PHKB: variants seen among roughly 807,000 people sequenced by gnomAD.
PHKB encodes phosphorylase kinase regulatory subunit beta.
In PHKB, 122 loss-of-function variants were observed where a neutral mutation model predicts 152.1. That is an observed-to-expected ratio of 0.80 (90% confidence interval 0.69 to 0.93). The LOEUF is 0.93. PHKB is among the 40% of genes least tolerant of loss of function. The probability of loss-of-function intolerance (pLI) is 0.00; values close to 1 mark genes in which losing one functional copy is unlikely to be tolerated. For synonymous variants in PHKB, 436 were observed against 464.9 expected (o/e 0.94, Z 0.80); for missense variants, 1,304 against 1,328.4 (o/e 0.98, Z 0.29).
At chr16:47,604,409 G>T (rs1254810611) in intron 13 of PHKB, among the ~76,000 whole-genome samples, 3 of 151,994 alleles carry the variant, frequency 2.0e-5, no homozygotes, top group African/African-American at 7.3e-5. Flanking sequence ...TTGTTAATCA[G>T]TTGACTAAAA....
At chr16:47,656,046 T>A (rs1292686692) in intron 20 of PHKB, among the ~76,000 whole-genome samples, 1 of 151,872 alleles carries the variant, frequency 6.6e-6, no homozygotes. Context: ...AGACTGAGTC[T>A]CACTCTGTTG....
rs527426323 is a variant in PHKB at position 47,665,956 on chromosome 16, G to A, written c.2427+981G>A. 2.7e-5 allele frequency: 43 copies of A among 1,613,640 alleles called. No individual in the cohort carries two copies. The highest frequency in any genetic ancestry group is 1.6e-4 in the Middle Eastern group (1 of 6,062). The stretch of plus-strand genomic sequence containing the variant: ...TTTGCCCCCAGGTCGGTTGTACGCC[G>A]TGCAGCAAGTCTTTTAAGTAAAGTA... On this transcript the variant is annotated intron_variant, in intron 25 of 30. Coordinates refer to ENST00000323584, the MANE Select transcript of PHKB (RefSeq NM_000293.3).
At chr16:47,663,654 A>C in intron 23 of PHKB, 23 bp from the exon 24 acceptor site, 1 of 1,601,384 alleles carries the variant, frequency 6.2e-7, no homozygotes, top group South Asian at 1.1e-5. Flanking sequence ...TGTTCAACAA[A>C]GACTCTATTA....
chr16:47,648,449 CA>C lies in PHKB; in HGVS notation c.1609-79del, dbSNP rs1973173864. 4 of 990,680 alleles carry C rather than the reference CA, an allele frequency of 4.0e-6. No individual in the cohort carries two copies. The East Asian group carries it at 9.8e-5, about 24-fold the overall frequency. 61.4% of individuals were successfully genotyped at this position (990,680 alleles called of 1,614,324 possible). ...CTAGCTTCTTTCTCTCTGGAAAGAT[CA>C]AAAATTAACAGGACAATACTCAGGG... On this transcript the variant is annotated intron_variant, in intron 16 of 30. Transcript: ENST00000323584.
At chr16:47,518,859 GC>G (rs998430679) in intron 6 of PHKB, among the ~76,000 whole-genome samples, 20 of 152,220 alleles carry the variant, frequency 1.3e-4, no homozygotes, top group African/African-American at 4.6e-4. Flanking sequence ...GTAATGAACT[GC>G]TACGTGGCGT....
chr16:47,651,068 G>C, intron 20 of PHKB, 147 bp downstream of exon 20: 3 of 702,246 alleles, frequency 4.3e-6, no homozygotes, highest in Non-Finnish European at 7.6e-6. Flanking sequence ...CACTTTTCCA[G>C]TTTATCTGAT....
At position 47,660,744 on chromosome 16, in the gene PHKB, A is replaced by G. The variant is rs2151736822; in HGVS notation, c.2121A>G (p.Glu707=). ...KRQSSTPSAP[E]LGQQPDVNIS... The stretch of plus-strand genomic sequence containing the variant: ...AAAGCAGCACCCCTAGTGCTCCTGA[A>G]CTGGGACAGCAGCCGGATGTCAACA... Residue 707 remains glutamate (E), a synonymous_variant, in exon 22 of 31, where the codon GAA becomes GAG. Coordinates refer to ENST00000323584, the MANE Select transcript of PHKB (RefSeq NM_000293.3). 6.2e-7 allele frequency: 1 copy of G among 1,614,140 alleles called. No homozygotes were observed. The highest frequency in any genetic ancestry group is 8.5e-7 in the Non-Finnish European group (1 of 1,179,974).
At chr16:47,688,255 A>G (rs1294946811) in intron 26 of PHKB, among the ~76,000 whole-genome samples, 1 of 152,204 alleles carries the variant, frequency 6.6e-6, no homozygotes, top group Non-Finnish European at 1.5e-5. Flanking sequence ...AATGGTGTGT[A>G]AATTTCTCAT....
chr16:47,634,435 C>T (rs1006244177), intron 14 of PHKB, among the ~76,000 whole-genome samples: 1 of 152,156 alleles, frequency 6.6e-6, no homozygotes, highest in Non-Finnish European at 1.5e-5. Context: ...AGTAGACCAG[C>T]TAGATCAAGT....
At chr16:47,628,684 C>T (rs13330510) in intron 14 of PHKB, among the ~76,000 whole-genome samples, 17,678 of 151,606 alleles carry the variant, frequency 0.12, 2,232 homozygotes, top group African/African-American at 0.32. Flanking sequence ...TTAAAGTTCA[C>T]ATGGAACCAA....
intron 7 of PHKB, 132 bp downstream of exon 7, chr16:47,547,680 G>T (rs1319724002): frequency 3.1e-6 from 2 of 646,774 alleles, no homozygotes; most frequent in Admixed American, 5.0e-5. Context: ...TACCTATGAT[G>T]CAGATGGAAG....
chr16:47,493,763 G>T (rs566886955), intron 1 of PHKB, among the ~76,000 whole-genome samples: 26 of 152,172 alleles, frequency 1.7e-4, no homozygotes, highest in Non-Finnish European at 2.8e-4. Context: ...AATTTAACTG[G>T]TTTTTAAAAT....
intron 18 of PHKB, among the ~76,000 whole-genome samples, chr16:47,649,906 A>G (rs980714063): frequency 6.6e-6 from 1 of 152,224 alleles, no homozygotes; most frequent in African/African-American, 2.4e-5. Context: ...AGTCTTTCAG[A>G]TGACTGATTG....
Position 47,664,978 on chromosome 16 carries a change from A to T in PHKB, c.2427+3A>T. On this transcript the variant is annotated splice_donor_region_variant and intron_variant, in intron 25 of 30. Transcript: ENST00000323584. ...CTTTTCTGGTACATGGGAAACAGGT[A>T]ACATGCACAGAATTTGAAAACCCAA... 6.3e-7 allele frequency: 1 copy of T among 1,593,824 alleles called. No homozygotes were observed. Among genetic ancestry groups the T allele is most frequent in the Non-Finnish European group, 8.6e-7 (1 of 1,161,520 alleles).
rs375157149 is a variant in PHKB at position 47,698,524 on chromosome 16, T to C, written c.3080T>C (p.Leu1027Pro). ...EFQDKVDLDR[L>P]VKEAFNEFQK... is the part of the protein sequence containing the mutation. ...CAAGACAAAGTAGATCTAGACAGAC[T>C]GGTCAAAGAAGCATTTAATGAATTT... Residue 1027 changes from leucine to proline, a missense_variant, in exon 30 of 31, where the codon CTG (leucine) becomes CCG (proline). By Grantham distance (98) the Leu-to-Pro change is moderately conservative. Transcript: ENST00000323584. The C allele has an allele frequency of 1.2e-6, 2 of 1,610,334 alleles. No homozygotes were observed. Among genetic ancestry groups the C allele is most frequent in the African/African-American group, 2.7e-5 (2 of 74,524 alleles).
chr16:47,475,844 C>A (rs527787632), intron 1 of PHKB, among the ~76,000 whole-genome samples: 1 of 152,202 alleles, frequency 6.6e-6, no homozygotes, highest in African/African-American at 2.4e-5. Flanking sequence ...AATTGAGCCC[C>A]TTTTAACTGT....
At chr16:47,505,841 T>C (rs1432239262) in intron 4 of PHKB, among the ~76,000 whole-genome samples, 1 of 151,622 alleles carries the variant, frequency 6.6e-6, no homozygotes, top group East Asian at 1.9e-4. Context: ...GAGAGCAGCC[T>C]GGCCAACATG....
At chr16:47,692,888 C>A (rs924282019) in intron 27 of PHKB, among the ~76,000 whole-genome samples, 4 of 151,930 alleles carry the variant, frequency 2.6e-5, no homozygotes, top group Non-Finnish European at 5.9e-5. Flanking sequence ...TAATTTTATT[C>A]TATATAAAAT....
At chr16:47,662,072 T>C (rs1973455175) in intron 23 of PHKB, among the ~76,000 whole-genome samples, 1 of 152,216 alleles carries the variant, frequency 6.6e-6, no homozygotes, top group Non-Finnish European at 1.5e-5. Flanking sequence ...CTGTGACTGT[T>C]AACGTCTGAT....
Sources: allele counts gnomAD v4.1 joint callset (sites outside exome capture counted in the v4.1 genomes callset), GRCh38; gene constraint gnomAD v4.1.1; transcripts MANE v1.5; gene names NCBI Gene and HGNC (gene_info 2026-07-23, HGNC 2026-07-21).